The following CFAP299 variants were observed in gnomAD, a reference collection of about 807,000 sequenced individuals.
CFAP299 encodes the protein cilia and flagella associated protein 299, also known as cilia- and flagella-associated protein 299.
In CFAP299, 21 loss-of-function variants were observed where a neutral mutation model predicts 27.0. The ratio of observed to expected loss-of-function variants is 0.78; its 90% confidence interval spans 0.55 to 1.12. The LOEUF (loss-of-function observed/expected upper bound fraction) is 1.12, where lower values mean the gene tolerates loss of function less well. CFAP299 is among the 50% of genes most tolerant of loss of function. CFAP299 has a pLI of 0.00. For missense variants in CFAP299, 310 were observed against 276.6 expected, an observed-to-expected ratio of 1.12 and a Z score of -0.86; for synonymous variants, 104 against 98.1, an observed-to-expected ratio of 1.06 and a Z score of -0.36.
At chr4:80,447,140 T>TTTTTTTTTTTTTTTTTTTTG (rs1728669027) in intron 2 of CFAP299, among the ~76,000 whole-genome samples, 3 of 126,542 alleles carry the variant, frequency 2.4e-5, no homozygotes, top group African/African-American at 3.5e-5. Context: ...GTTTTTTTTT[T>TTTTTTTTTTTTTTTTTTTTG]TTTTTTTTTT....
At chr4:80,537,737 A>G (rs893997099) in intron 2 of CFAP299, among the ~76,000 whole-genome samples, 1 of 152,100 alleles carries the variant, frequency 6.6e-6, no homozygotes, top group Non-Finnish European at 1.5e-5. Flanking sequence ...TAGGATGAAT[A>G]AATTGTGGAG....
chr4:80,884,301 T>C (rs1733864415), intron 4 of CFAP299, among the ~76,000 whole-genome samples: 1 of 152,168 alleles, frequency 6.6e-6, no homozygotes, highest in Non-Finnish European at 1.5e-5. Flanking sequence ...TTTTTTAAAA[T>C]TGGATCAAGT....
At chr4:80,785,463 C>T (rs941249253) in intron 3 of CFAP299, among the ~76,000 whole-genome samples, 3 of 152,042 alleles carry the variant, frequency 2.0e-5, no homozygotes, top group Non-Finnish European at 1.5e-5. Flanking sequence ...ATTTTCATGG[C>T]CAGAATTTCA....
chr4:80,772,182 A>G (rs932427152), intron 3 of CFAP299, among the ~76,000 whole-genome samples: 1 of 152,204 alleles, frequency 6.6e-6, no homozygotes, highest in African/African-American at 2.4e-5. Context: ...AGCCAAGTAA[A>G]CAGATCGTAA....
chr4:80,895,485 T>A (rs1490247161), intron 4 of CFAP299, among the ~76,000 whole-genome samples: 1 of 152,040 alleles, frequency 6.6e-6, no homozygotes, highest in East Asian at 1.9e-4. Context: ...AAAGTCAGGT[T>A]ATTTGTTTTC....
At chr4:80,554,955 T>C (rs1340305715) in intron 2 of CFAP299, among the ~76,000 whole-genome samples, 1 of 152,180 alleles carries the variant, frequency 6.6e-6, no homozygotes, top group African/African-American at 2.4e-5. Flanking sequence ...ACAGGGATAG[T>C]TTGACTTCCT....
intron 2 of CFAP299, among the ~76,000 whole-genome samples, chr4:80,582,038 G>A (rs191070242): frequency 6.6e-6 from 1 of 151,808 alleles, no homozygotes; most frequent in Non-Finnish European, 1.5e-5. Context: ...CTCAATTCTT[G>A]TGTTTACTCT....
chr4:80,938,663 C>T (rs1421895422), intron 4 of CFAP299, among the ~76,000 whole-genome samples: 1 of 152,194 alleles, frequency 6.6e-6, no homozygotes, highest in Non-Finnish European at 1.5e-5. Flanking sequence ...TCCTCTAGCG[C>T]TGCTAGGTTA....
At chr4:80,391,317 C>T (rs906904911) in intron 2 of CFAP299, among the ~76,000 whole-genome samples, 1 of 151,998 alleles carries the variant, frequency 6.6e-6, no homozygotes, top group African/African-American at 2.4e-5. Flanking sequence ...ATGGCTATAC[C>T]AATTTGTATT....
chr4:80,887,274 G>T (rs1734019088), intron 4 of CFAP299, among the ~76,000 whole-genome samples: 1 of 152,030 alleles, frequency 6.6e-6, no homozygotes, highest in Non-Finnish European at 1.5e-5. Flanking sequence ...ACTACCTAAA[G>T]ACATTTAATA....
At chr4:80,930,996 T>C (rs76558090) in intron 4 of CFAP299, among the ~76,000 whole-genome samples, 2 of 152,274 alleles carry the variant, frequency 1.3e-5, no homozygotes, top group East Asian at 3.9e-4. Flanking sequence ...TCTTGTATTG[T>C]TAGAATTATC....
chr4:80,368,728 T>C (rs1040143256), intron 2 of CFAP299, among the ~76,000 whole-genome samples: 1 of 152,206 alleles, frequency 6.6e-6, no homozygotes, highest in Non-Finnish European at 1.5e-5. Flanking sequence ...TATCATTTTA[T>C]GATAAAAACT....
At chr4:80,734,503 G>T (rs542337796) in intron 3 of CFAP299, among the ~76,000 whole-genome samples, 1 of 152,024 alleles carries the variant, frequency 6.6e-6, no homozygotes, top group African/African-American at 2.4e-5. Flanking sequence ...TGCTTTGGTT[G>T]CCTGTGCTTG....
intron 3 of CFAP299, among the ~76,000 whole-genome samples, chr4:80,593,033 C>T (rs541941067): frequency 1.3e-5 from 2 of 152,158 alleles, no homozygotes; most frequent in Non-Finnish European, 2.9e-5. Flanking sequence ...AAAAACGGAA[C>T]ACAAGTGAGC....
intron 3 of CFAP299, among the ~76,000 whole-genome samples, chr4:80,784,000 T>C (rs1560750065): frequency 6.6e-6 from 1 of 152,130 alleles, no homozygotes; most frequent in Non-Finnish European, 1.5e-5. Flanking sequence ...AATATTTTTG[T>C]CTGTGTCTGG....
In CFAP299 at chr4:80,405,613, T is replaced by C. The variant is rs148868980; in HGVS notation, c.242+42729T>C. Among the ~76,000 whole-genome samples, 75 of 152,146 alleles carry C rather than the reference T, an allele frequency of 4.9e-4. No homozygotes were observed. The East Asian group carries it at 7.9e-3, about 16-fold the overall frequency. On this transcript the variant is annotated intron_variant, in intron 2 of 5. Transcript: ENST00000358105. Reference sequence around the variant, plus strand: ...TAAGTACATATTTGCACATTTAGAATGGGGTACTTCTTATGGTTTTTATAT... The same window carrying C: ...TAAGTACATATTTGCACATTTAGAACGGGGTACTTCTTATGGTTTTTATAT...
intron 2 of CFAP299, among the ~76,000 whole-genome samples, chr4:80,480,295 C>A (rs547907487): frequency 3.0e-4 from 45 of 151,650 alleles, no homozygotes; most frequent in Non-Finnish European, 5.5e-4. Flanking sequence ...TTTATTTGAG[C>A]AAATAGTGAT....
intron 2 of CFAP299, among the ~76,000 whole-genome samples, chr4:80,422,786 G>A (rs565296235): frequency 6.6e-6 from 1 of 152,248 alleles, no homozygotes; most frequent in African/African-American, 2.4e-5. Context: ...GGCAGAAAAA[G>A]TTTCTTTACA....
At chr4:80,504,423 T>C (rs1731892751) in intron 2 of CFAP299, among the ~76,000 whole-genome samples, 1 of 141,828 alleles carries the variant, frequency 7.1e-6, no homozygotes, top group South Asian at 2.2e-4. Context: ...TGTACTTTAC[T>C]TACTTTTAAT....
Sources: gnomAD v4.1 joint callset for allele counts (sites outside exome capture counted in the v4.1 genomes callset) on GRCh38, gnomAD v4.1.1 for gene constraint, MANE v1.5 for transcripts, NCBI Gene and HGNC (gene_info 2026-07-23, HGNC 2026-07-21) for gene names.